CADM1: variants seen among roughly 807,000 people sequenced by gnomAD.
CADM1 encodes cell adhesion molecule 1, also known as TSLC-1.
In CADM1, 15 loss-of-function variants were observed where a neutral mutation model predicts 53.1. The ratio of observed to expected loss-of-function variants is 0.28; its 90% CI spans 0.19 to 0.44. CADM1 has a LOEUF of 0.44. CADM1 is among the 20% of genes least tolerant of loss of function. CADM1 has a pLI of 1.00. For missense variants in CADM1, 434 were observed against 611.3 expected, an observed-to-expected ratio of 0.71 and a Z score of 3.06; for synonymous variants, 281 against 243.0, an observed-to-expected ratio of 1.16 and a Z score of -1.45.
intron 1 of CADM1, among the ~76,000 whole-genome samples, chr11:115,284,059 A>C (rs1943655736): frequency 7.4e-6 from 1 of 135,950 alleles, no homozygotes; most frequent in African/African-American, 2.9e-5. Flanking sequence ...GCCTGTGAGA[A>C]CCAGGGTGAA....
intron 1 of CADM1, among the ~76,000 whole-genome samples, chr11:115,405,656 C>T (rs533270581): frequency 1.3e-5 from 2 of 152,236 alleles, no homozygotes; most frequent in South Asian, 4.1e-4. Flanking sequence ...ATAAGTGTAC[C>T]AGAGCCACAG....
intron 1 of CADM1, among the ~76,000 whole-genome samples, chr11:115,323,111 G>T (rs1944866211): frequency 6.6e-6 from 1 of 152,052 alleles, no homozygotes; most frequent in African/African-American, 2.4e-5. Context: ...TTGTCTTCTT[G>T]TTAAATTCTA....
In CADM1 at chr11:115,218,620, G is replaced by T. The variant is rs563852332; in HGVS notation, c.722-629C>A. Among the ~76,000 whole-genome samples, 36 of 152,232 alleles carry T rather than the reference G, an allele frequency of 2.4e-4. 1 individual carries two copies. The South Asian group carries it at 7.5e-3, about 32-fold the overall frequency. ...GGGGTAGAATAAGCCTAGTTTTAGG[G>T]ATGGGAACTCTGGTACCCACAGATT... On this transcript the variant is annotated intron_variant, in intron 5 of 11. Coordinates refer to ENST00000331581, the MANE Select transcript of CADM1 (RefSeq NM_001301043.2).
chr11:115,323,753 G>A (rs556766773), intron 1 of CADM1, among the ~76,000 whole-genome samples: 1 of 152,242 alleles, frequency 6.6e-6, no homozygotes, highest in Admixed American at 6.5e-5. Flanking sequence ...TAGGACAGTG[G>A]ATGATTATAG....
At chr11:115,451,932 A>C (rs1565434746) in intron 1 of CADM1, among the ~76,000 whole-genome samples, 1 of 151,946 alleles carries the variant, frequency 6.6e-6, no homozygotes, top group South Asian at 2.1e-4. Flanking sequence ...AAAAAAAAAA[A>C]CTTTTTGGAA....
intron 1 of CADM1, among the ~76,000 whole-genome samples, chr11:115,273,816 C>T (rs1263231463): frequency 6.6e-6 from 1 of 152,128 alleles, no homozygotes; most frequent in African/African-American, 2.4e-5. Context: ...CAAAACATCG[C>T]CTGGAGAAAG....
At chr11:115,279,849 T>C (rs551574662) in intron 1 of CADM1, among the ~76,000 whole-genome samples, 3 of 152,284 alleles carry the variant, frequency 2.0e-5, no homozygotes, top group South Asian at 4.2e-4. Flanking sequence ...CCTTCTTACA[T>C]GTGAAATATT....
rs1489203727 is a variant in CADM1, at chr11:115,169,409, C to G, written c.*7065G>C. The G allele has an allele frequency of 2.9e-6, 1 of 350,678 alleles. No individual in the cohort carries two copies. Among genetic ancestry groups the G allele is most frequent in the Admixed American group, 3.9e-5 (1 of 25,358 alleles). 21.7% of individuals were successfully genotyped at this position (350,678 alleles called of 1,614,324 possible). On this transcript the variant is annotated 3_prime_UTR_variant, in exon 12 of 12. Coordinates refer to ENST00000331581, the MANE Select transcript of CADM1 (RefSeq NM_001301043.2). ...CTACATTTCTGGCTGTGTTAAGAAT[C>G]AAGCCATCAAGAACAGCTGTGAATG...
At position 115,370,352 on chromosome 11, in the gene CADM1, C is replaced by A. The variant is rs1333031142; in HGVS notation, c.125-129932G>T. ...GCTGATATACACCAAATGTTTGTAT[C>A]CGCCCAAAATTCATGTTGAAGTCCT... On this transcript the variant is annotated intron_variant, in intron 1 of 11. Coordinates refer to ENST00000331581, the MANE Select transcript of CADM1 (RefSeq NM_001301043.2). Among the ~76,000 whole-genome samples, 19 of 152,104 alleles carry A rather than the reference C, an allele frequency of 1.2e-4. 1 individual carries two copies. The highest frequency in any genetic ancestry group is 1.2e-3 in the Admixed American group (19 of 15,268).
intron 1 of CADM1, among the ~76,000 whole-genome samples, chr11:115,472,126 A>G (rs1018823598): frequency 2.0e-5 from 3 of 152,210 alleles, no homozygotes; most frequent in African/African-American, 7.2e-5. Flanking sequence ...GTCTATCTTC[A>G]AGAAAATAAA....
At chr11:115,207,552 G>C (rs911753968) in intron 8 of CADM1, among the ~76,000 whole-genome samples, 1 of 152,018 alleles carries the variant, frequency 6.6e-6, no homozygotes, top group East Asian at 1.9e-4. Context: ...TTGATTGTGA[G>C]GGGGAGGAGT....
intron 1 of CADM1, among the ~76,000 whole-genome samples, chr11:115,488,541 G>A (rs1949426589): frequency 6.6e-6 from 1 of 152,104 alleles, no homozygotes; most frequent in African/African-American, 2.4e-5. Context: ...AATAAACTCT[G>A]GTTAGAGTGG....
intron 10 of CADM1, among the ~76,000 whole-genome samples, chr11:115,186,326 A>G (rs1939547035): frequency 6.6e-6 from 1 of 152,144 alleles, no homozygotes; most frequent in Non-Finnish European, 1.5e-5. Flanking sequence ...GTCTTCTTTG[A>G]GGAGAAAGAG....
chr11:115,390,082 C>T (rs1946796839), intron 1 of CADM1, among the ~76,000 whole-genome samples: 1 of 152,116 alleles, frequency 6.6e-6, no homozygotes, highest in South Asian at 2.1e-4. Flanking sequence ...TCTCCTTATT[C>T]TGAGCCATCA....
At chr11:115,418,301 G>C (rs755188147) in intron 1 of CADM1, among the ~76,000 whole-genome samples, 1 of 152,160 alleles carries the variant, frequency 6.6e-6, no homozygotes, top group Non-Finnish European at 1.5e-5. Flanking sequence ...AAGTGGTTAA[G>C]ATTATTACAC....
At chr11:115,471,816 G>T (rs1208511796) in intron 1 of CADM1, among the ~76,000 whole-genome samples, 4 of 152,170 alleles carry the variant, frequency 2.6e-5, no homozygotes, top group Non-Finnish European at 5.9e-5. Flanking sequence ...CAGAGATAGT[G>T]GGGGAGAAGG....
intron 1 of CADM1, among the ~76,000 whole-genome samples, chr11:115,437,045 G>A (rs1339202395): frequency 5.9e-5 from 9 of 152,168 alleles, no homozygotes; most frequent in Non-Finnish European, 1.3e-4. Flanking sequence ...TAAAACGTCT[G>A]TTAGAGAAAT....
At chr11:115,260,002 T>C (rs753311532) in intron 1 of CADM1, among the ~76,000 whole-genome samples, 3 of 152,218 alleles carry the variant, frequency 2.0e-5, no homozygotes, top group Non-Finnish European at 2.9e-5. Context: ...CATAGCTCAC[T>C]GGAGCCTTGA....
At chr11:115,451,934 T>A (rs1948580996) in intron 1 of CADM1, among the ~76,000 whole-genome samples, 1 of 151,662 alleles carries the variant, frequency 6.6e-6, no homozygotes, top group Non-Finnish European at 1.5e-5. Flanking sequence ...AAAAAAAAAC[T>A]TTTTGGAAAT....
Sources: allele counts gnomAD v4.1 joint callset (sites outside exome capture counted in the v4.1 genomes callset), GRCh38; gene constraint gnomAD v4.1.1; transcripts MANE v1.5; gene names NCBI Gene and HGNC (gene_info 2026-07-23, HGNC 2026-07-21).